LPIN1: variants seen among roughly 807,000 people sequenced by gnomAD.
LPIN1 encodes phosphatidate phosphatase LPIN1.
A neutral mutation model predicts 107.5 loss-of-function variants in LPIN1; 71 were observed. The observed-to-expected ratio is 0.66, with a 90% CI of 0.55 to 0.80. The LOEUF is 0.80. LPIN1 is among the 30% of genes least tolerant of loss of function. The pLI, the probability that LPIN1 is intolerant of heterozygous loss-of-function variation, is 0.00. For synonymous variants in LPIN1, 445 were observed against 452.6 expected (o/e 0.98, Z 0.21); for missense variants, 1,043 against 1,160.6 (o/e 0.90, Z 1.47).
chr2:11,822,160 A>G (rs1681631939), intron 20 of LPIN1, among the ~76,000 whole-genome samples: 1 of 151,330 alleles, frequency 6.6e-6, no homozygotes, highest in African/African-American at 2.4e-5. Flanking sequence ...GCTGGGCACG[A>G]TGGCTCATGC....
intron 1 of LPIN1, among the ~76,000 whole-genome samples, chr2:11,687,490 A>AGG (rs1457159567): frequency 6.6e-6 from 1 of 152,212 alleles, no homozygotes; most frequent in African/African-American, 2.4e-5. Flanking sequence ...AGGCAGGGAC[A>AGG]GGGGGCTTTG....
chr2:11,770,624 T>A (rs896813031), intron 3 of LPIN1, among the ~76,000 whole-genome samples: 2 of 152,222 alleles, frequency 1.3e-5, no homozygotes, highest in African/African-American at 4.8e-5. Context: ...AGCACACGTT[T>A]ATTTATCCCC....
intron 17 of LPIN1, among the ~76,000 whole-genome samples, chr2:11,806,553 A>G (rs988228025): frequency 3.9e-5 from 6 of 152,170 alleles, no homozygotes; most frequent in Non-Finnish European, 7.3e-5. Context: ...CAACATAGTG[A>G]GATTCCCCCC....
At chr2:11,756,912 A>G (rs1668775461) in intron 1 of LPIN1, among the ~76,000 whole-genome samples, 1 of 152,242 alleles carries the variant, frequency 6.6e-6, no homozygotes, top group South Asian at 2.1e-4. Context: ...TTATTTCAGA[A>G]GGTCAAGCTA....
At chr2:11,733,587 G>A (rs1665490132) in intron 1 of LPIN1, among the ~76,000 whole-genome samples, 1 of 151,820 alleles carries the variant, frequency 6.6e-6, no homozygotes, top group Non-Finnish European at 1.5e-5. Context: ...CACCTCCTGG[G>A]TTCAAGCAAT....
intron 1 of LPIN1, among the ~76,000 whole-genome samples, chr2:11,747,556 T>G (rs1667152421): frequency 6.6e-6 from 1 of 152,186 alleles, no homozygotes; most frequent in African/African-American, 2.4e-5. Context: ...TAGAAGTGTT[T>G]TGGGAAATCA....
chr2:11,759,732 G>GCTC (rs1445904281), intron 1 of LPIN1, among the ~76,000 whole-genome samples: 2 of 152,012 alleles, frequency 1.3e-5, no homozygotes, highest in Non-Finnish European at 2.9e-5. Flanking sequence ...GGGCAGAGGG[G>GCTC]CTCCTCACTT....
At chr2:11,790,777 C>T (rs942281085) in intron 12 of LPIN1, among the ~76,000 whole-genome samples, 1 of 152,184 alleles carries the variant, frequency 6.6e-6, no homozygotes, top group African/African-American at 2.4e-5. Context: ...GATATGTGTC[C>T]TTGTATACCA....
chr2:11,792,768 A>G (rs1675997001), intron 13 of LPIN1, among the ~76,000 whole-genome samples: 1 of 152,182 alleles, frequency 6.6e-6, no homozygotes, highest in South Asian at 2.1e-4. Context: ...CTAAAGGTCC[A>G]TGGCTTTGGC....
intron 1 of LPIN1, among the ~76,000 whole-genome samples, chr2:11,730,376 C>T (rs1665070180): frequency 1.3e-5 from 2 of 152,132 alleles, no homozygotes; most frequent in Non-Finnish European, 2.9e-5. Context: ...TTCATCTGAC[C>T]CCATCTACTG....
chr2:11,711,504 G>A (rs908577237), intron 1 of LPIN1, among the ~76,000 whole-genome samples: 1 of 152,144 alleles, frequency 6.6e-6, no homozygotes, highest in African/African-American at 2.4e-5. Context: ...TATTTTGGGT[G>A]TGGTTCCAAG....
chr2:11,768,100 CAG>C (rs1671230765), intron 3 of LPIN1, among the ~76,000 whole-genome samples: 1 of 152,126 alleles, frequency 6.6e-6, no homozygotes, highest in Non-Finnish European at 1.5e-5. Context: ...TCCCAGGAGA[CAG>C]AGGGATGGAC....
chr2:11,714,761 C>T (rs1485126055), intron 2 of LPIN1, among the ~76,000 whole-genome samples: 1 of 152,180 alleles, frequency 6.6e-6, no homozygotes, highest in Admixed American at 6.5e-5. Context: ...TGGCCTGGTC[C>T]AAGCCTTGTG....
intron 7 of LPIN1, 94 bp downstream of exon 7, chr2:11,779,739 C>T: frequency 6.5e-7 from 1 of 1,549,792 alleles, no homozygotes; most frequent in South Asian, 1.1e-5. Flanking sequence ...AGAAACACAG[C>T]TACCAGGAGC....
chr2:11,795,642 T>G (rs1227078282), intron 14 of LPIN1, among the ~76,000 whole-genome samples, 155 bp downstream of exon 14: 1 of 152,216 alleles, frequency 6.6e-6, no homozygotes, highest in Non-Finnish European at 1.5e-5. Context: ...AACTTGGTTC[T>G]CCCATGAGCA....
At chr2:11,683,094 G>A (rs1661810161) in intron 1 of LPIN1, 1 of 152,164 alleles carries the variant, frequency 6.6e-6, no homozygotes, top group Non-Finnish European at 1.5e-5. Flanking sequence ...CTTCAACAAG[G>A]TCCCTTCCCT....
intron 2 of LPIN1, among the ~76,000 whole-genome samples, chr2:11,766,153 G>A (rs749228334): frequency 3.3e-5 from 5 of 152,186 alleles, no homozygotes; most frequent in Non-Finnish European, 5.9e-5. Context: ...GCCTCTCCAC[G>A]TGGCCAGGGC....
intron 1 of LPIN1, among the ~76,000 whole-genome samples, chr2:11,693,822 ATTTTTTTTTTTTT>A (rs34409476): frequency 1.6e-4 from 3 of 18,990 alleles, no homozygotes; most frequent in African/African-American, 4.8e-4. Flanking sequence ...ATATATATAT[ATTTTTTTTTTTTT>A]TTTTTTTTTT....
At chr2:11,817,220 T>A (rs1173291371) in intron 18 of LPIN1, 3 of 152,188 alleles carry the variant, frequency 2.0e-5, no homozygotes. Context: ...TGGGTGCAGT[T>A]CTGATTTTAC....
Sources: gnomAD v4.1 joint callset for allele counts (sites outside exome capture counted in the v4.1 genomes callset) on GRCh38, gnomAD v4.1.1 for gene constraint, MANE v1.5 for transcripts, NCBI Gene and HGNC (gene_info 2026-07-23, HGNC 2026-07-21) for gene names.